The following LPP variants were observed in gnomAD, a reference collection of about 807,000 sequenced individuals.
The protein encoded by LPP is lipoma-preferred partner.
In LPP, 38 loss-of-function variants were observed where a neutral mutation model predicts 60.4. That is an observed-to-expected ratio of 0.63 (90% CI 0.49 to 0.83). The LOEUF (loss-of-function observed/expected upper bound fraction) is 0.83, where lower values mean the gene tolerates loss of function less well. Among genes scored for constraint, LPP ranks in the 40% least tolerant of loss-of-function variants. The pLI is 0.00. For missense variants in LPP, 902 were observed against 783.6 expected, an observed-to-expected ratio of 1.15 and a Z score of -1.80; for synonymous variants, 328 against 290.8, an observed-to-expected ratio of 1.13 and a Z score of -1.30.
rs186078957 is a variant in LPP, at chr3:188,330,142, G to T, written c.-66-11521G>T. On this transcript the variant is annotated intron_variant, in intron 2 of 11. Transcript: ENST00000617246. ...GTTATGTTGATATTTTATGTGACTT[G>T]TTTTCTTCACTAAACAGTAGTCAGT... Among the ~76,000 whole-genome samples the T allele has an allele frequency of 2.5e-3, 379 of 152,130 alleles. 1 individual carries two copies. Among genetic ancestry groups the T allele is most frequent in the Middle Eastern group, 0.014 (4 of 294 alleles).
chr3:188,657,086 G>GGAACATTTT lies in LPP; in HGVS notation c.1113+47244_1113+47252dup, dbSNP rs551684725. On this transcript the variant is annotated intron_variant, in intron 7 of 11. Coordinates refer to ENST00000617246, the MANE Select transcript of LPP (RefSeq NM_001375462.1). ...AGAGTCCACATTGGCCCATTTCCAT[G>GGAACATTTT]GAACATTTTGCTGGTCTTTAGGTAT... 2.0e-3 allele frequency among the ~76,000 whole-genome samples: 298 copies of GGAACATTTT among 151,938 alleles called. 1 individual carries two copies. The highest frequency in any genetic ancestry group is 6.9e-3 in the African/African-American group (284 of 41,454).
At chr3:188,726,563 T>C (rs1201107927) in intron 8 of LPP, among the ~76,000 whole-genome samples, 49 of 152,148 alleles carry the variant, frequency 3.2e-4, no homozygotes, top group Admixed American at 3.2e-3. Context: ...CAGATAGCAG[T>C]ATATCCTATT....
intron 1 of LPP, among the ~76,000 whole-genome samples, chr3:188,213,864 G>A (rs13091770): frequency 6.6e-6 from 1 of 151,558 alleles, no homozygotes; most frequent in South Asian, 2.1e-4. Context: ...ATTCAGCAAG[G>A]CTTCCCATCT....
Position 188,807,616 on chromosome 3 carries a change from G to A in LPP, c.1410+47334G>A, listed in dbSNP as rs557839274. On this transcript the variant is annotated intron_variant, in intron 9 of 11. Coordinates refer to ENST00000617246, the MANE Select transcript of LPP (RefSeq NM_001375462.1). The stretch of plus-strand genomic sequence containing the variant: ...TTTAAGTTTACTAATTCTTTCCCCA[G>A]TTGAGTCTGCTTATGAGCCTATTCA... Among the ~76,000 whole-genome samples, 37 of 151,876 alleles carry A rather than the reference G, an allele frequency of 2.4e-4. 1 individual carries two copies. The South Asian group carries it at 2.7e-3, about 11-fold the overall frequency.
At chr3:188,384,203 T>C (rs77637728) in intron 3 of LPP, among the ~76,000 whole-genome samples, 1 of 152,220 alleles carries the variant, frequency 6.6e-6, no homozygotes, top group African/African-American at 2.4e-5. Flanking sequence ...ATTTGATCTA[T>C]TGAGTTTATG....
chr3:188,287,404 G>A (rs1183366459), intron 2 of LPP, among the ~76,000 whole-genome samples: 1 of 152,162 alleles, frequency 6.6e-6, no homozygotes, highest in Non-Finnish European at 1.5e-5. Flanking sequence ...GTCACACATC[G>A]AGGAAATGGC....
intron 4 of LPP, among the ~76,000 whole-genome samples, chr3:188,462,543 T>TA (rs1491360041): frequency 0.034 from 1,065 of 31,168 alleles, 116 homozygotes; most frequent in African/African-American, 0.058. Flanking sequence ...TTATATGAGC[T>TA]TTATATATAT....
chr3:188,683,943 A>G (rs1256464679), intron 7 of LPP, among the ~76,000 whole-genome samples: 1 of 152,264 alleles, frequency 6.6e-6, no homozygotes, highest in Non-Finnish European at 1.5e-5. Context: ...TTGAGGAAAC[A>G]CTAGACTTGA....
chr3:188,757,909 T>TTTC (rs1372528441), intron 8 of LPP, among the ~76,000 whole-genome samples: 5 of 147,814 alleles, frequency 3.4e-5, no homozygotes, highest in African/African-American at 1.3e-4. Context: ...TTTTTTTTTT[T>TTTC]CAGAATAATT....
At chr3:188,783,632 T>A (rs1162310295) in intron 9 of LPP, among the ~76,000 whole-genome samples, 5 of 152,038 alleles carry the variant, frequency 3.3e-5, no homozygotes, top group East Asian at 1.9e-4. Context: ...GGTGAAATAA[T>A]CTGTACAACA....
At chr3:188,433,184 T>C (rs780124445) in intron 4 of LPP, among the ~76,000 whole-genome samples, 2 of 152,218 alleles carry the variant, frequency 1.3e-5, no homozygotes, top group Non-Finnish European at 2.9e-5. Context: ...GAGCTTTCAC[T>C]GAATGTATTT....
intron 6 of LPP, among the ~76,000 whole-genome samples, chr3:188,597,648 A>G (rs1840246059): frequency 6.6e-6 from 1 of 152,116 alleles, no homozygotes; most frequent in African/African-American, 2.4e-5. Context: ...TCATACTTAA[A>G]TCTTCTTAGA....
intron 7 of LPP, among the ~76,000 whole-genome samples, chr3:188,693,165 T>C (rs1862479775): frequency 6.6e-6 from 1 of 152,178 alleles, no homozygotes; most frequent in Non-Finnish European, 1.5e-5. Flanking sequence ...CTTTTTGGTC[T>C]TAATGTTTAG....
intron 5 of LPP, among the ~76,000 whole-genome samples, chr3:188,514,224 C>G (rs9874528): frequency 6.6e-6 from 1 of 151,698 alleles, no homozygotes; most frequent in Non-Finnish European, 1.5e-5. Context: ...TATTTTTCTT[C>G]TCATTGTTTT....
intron 5 of LPP, among the ~76,000 whole-genome samples, chr3:188,509,518 G>A (rs1385921589): frequency 5.9e-5 from 9 of 152,072 alleles, no homozygotes; most frequent in Non-Finnish European, 1.2e-4. Context: ...CTGTAAACTC[G>A]GCTTAAGTGG....
At chr3:188,770,271 C>T (rs1160542132) in intron 9 of LPP, among the ~76,000 whole-genome samples, 1 of 148,602 alleles carries the variant, frequency 6.7e-6, no homozygotes, top group African/African-American at 2.5e-5. Context: ...CTCCACCTGC[C>T]GGGTTCACGC....
rs146966850 is a variant in LPP at position 188,475,828 on chromosome 3, G to A, written c.194-8764G>A. On this transcript the variant is annotated intron_variant, in intron 4 of 11. Transcript: ENST00000617246. ...TGAGGCAGGAGAATGGCCTGAACCCGGGAGGCGGAGCTTGCAGTGAGCCGA... is the reference window on the plus strand; with the variant it reads ...TGAGGCAGGAGAATGGCCTGAACCCAGGAGGCGGAGCTTGCAGTGAGCCGA... 1.6e-3 allele frequency among the ~76,000 whole-genome samples: 238 copies of A among 152,256 alleles called. 1 individual carries two copies. Among genetic ancestry groups the A allele is most frequent in the African/African-American group, 5.3e-3 (220 of 41,534 alleles).
At chr3:188,775,597 G>A (rs1737490501) in intron 9 of LPP, among the ~76,000 whole-genome samples, 1 of 152,178 alleles carries the variant, frequency 6.6e-6, no homozygotes, top group Admixed American at 6.5e-5. Flanking sequence ...GGCACAAGTG[G>A]CAGGAAGCCA....
chr3:188,345,168 T>C (rs1763995376), intron 3 of LPP, among the ~76,000 whole-genome samples: 1 of 152,242 alleles, frequency 6.6e-6, no homozygotes, highest in African/African-American at 2.4e-5. Flanking sequence ...TCTTTTTCTA[T>C]AAACTATCCT....
Sources: allele counts gnomAD v4.1 joint callset (sites outside exome capture counted in the v4.1 genomes callset), GRCh38; gene constraint gnomAD v4.1.1; transcripts MANE v1.5; gene names NCBI Gene and HGNC (gene_info 2026-07-23, HGNC 2026-07-21).